Variants in GRIK2 observed in about 807,000 individuals in gnomAD.
GRIK2 encodes the protein glutamate receptor ionotropic, kainate 2.
In GRIK2, 32 loss-of-function variants were observed where a neutral mutation model predicts 100.3. That is an observed-to-expected ratio of 0.32 (90% CI 0.24 to 0.43). GRIK2 has a LOEUF of 0.43. Among genes scored for constraint, GRIK2 ranks in the 20% least tolerant of loss-of-function variants. The pLI is 1.00. For synonymous variants in GRIK2, 417 were observed against 389.4 expected, an observed-to-expected ratio of 1.07 and a Z score of -0.83; for missense variants, 843 against 1,114.9, an observed-to-expected ratio of 0.76 and a Z score of 3.47.
intron 2 of GRIK2, among the ~76,000 whole-genome samples, chr6:101,549,688 A>G (rs1181920042): frequency 6.6e-6 from 1 of 152,136 alleles, no homozygotes; most frequent in Non-Finnish European, 1.5e-5. Flanking sequence ...AAGAAGAGAA[A>G]CTTAGGTATC....
At chr6:101,701,717 C>G (rs1448195089) in intron 7 of GRIK2, among the ~76,000 whole-genome samples, 1 of 151,998 alleles carries the variant, frequency 6.6e-6, no homozygotes, top group African/African-American at 2.4e-5. Context: ...ATCAAAATCT[C>G]AAGGTAAATA....
At chr6:101,874,025 A>T (rs1225698391) in intron 11 of GRIK2, among the ~76,000 whole-genome samples, 2 of 151,782 alleles carry the variant, frequency 1.3e-5, no homozygotes, top group Non-Finnish European at 2.9e-5. Context: ...GATTGCAAAA[A>T]TTTTCTCCCA....
At chr6:101,770,366 T>G (rs1191031559) in intron 7 of GRIK2, among the ~76,000 whole-genome samples, 2 of 152,176 alleles carry the variant, frequency 1.3e-5, no homozygotes, top group African/African-American at 2.4e-5. Flanking sequence ...ATGAAGCAGG[T>G]GAAGGTTATC....
chr6:101,556,500 G>A (rs771070458), intron 2 of GRIK2, among the ~76,000 whole-genome samples: 13 of 150,898 alleles, frequency 8.6e-5, no homozygotes, highest in Non-Finnish European at 1.6e-4. Flanking sequence ...TTCACAAAAT[G>A]AACAGCTGTT....
At chr6:101,849,438 A>T (rs1703008034) in intron 10 of GRIK2, among the ~76,000 whole-genome samples, 1 of 152,008 alleles carries the variant, frequency 6.6e-6, no homozygotes, top group South Asian at 2.1e-4. Flanking sequence ...TATTGTTGTT[A>T]AGGTGTAAGT....
chr6:101,515,439 G>A (rs942354851), intron 2 of GRIK2, among the ~76,000 whole-genome samples: 5 of 152,078 alleles, frequency 3.3e-5, no homozygotes, highest in African/African-American at 1.2e-4. Context: ...CCCAGTAGTG[G>A]GATTGCTGGA....
intron 2 of GRIK2, among the ~76,000 whole-genome samples, chr6:101,558,543 T>C (rs1776851893): frequency 6.6e-6 from 1 of 152,094 alleles, no homozygotes; most frequent in South Asian, 2.1e-4. Context: ...GTTTTGGAAA[T>C]AGTGTGGTTA....
intron 15 of GRIK2, among the ~76,000 whole-genome samples, chr6:102,052,976 G>C (rs1771276284): frequency 6.6e-6 from 1 of 151,936 alleles, no homozygotes. Flanking sequence ...GCTGAGGCAG[G>C]AGAATCACTT....
chr6:101,809,410 C>T (rs1781194044), intron 9 of GRIK2, among the ~76,000 whole-genome samples: 1 of 151,820 alleles, frequency 6.6e-6, no homozygotes, highest in African/African-American at 2.4e-5. Flanking sequence ...TGACTCCTGC[C>T]CTCATTAAAC....
intron 2 of GRIK2, among the ~76,000 whole-genome samples, chr6:101,464,897 C>T (rs1423793252): frequency 6.6e-6 from 1 of 152,050 alleles, no homozygotes; most frequent in Non-Finnish European, 1.5e-5. Flanking sequence ...GGGCTTATAC[C>T]TGGCAGAGAC....
chr6:101,587,201 T>C (rs1455559971), intron 2 of GRIK2, among the ~76,000 whole-genome samples: 1 of 151,940 alleles, frequency 6.6e-6, no homozygotes, highest in African/African-American at 2.4e-5. Context: ...ATGAAAACTA[T>C]AGATATTAAA....
At chr6:101,455,147 G>A (rs1770929747) in intron 2 of GRIK2, among the ~76,000 whole-genome samples, 1 of 152,044 alleles carries the variant, frequency 6.6e-6, no homozygotes, top group Admixed American at 6.6e-5. Context: ...TAGTGGGCAT[G>A]GCAGGCTGAG....
At chr6:102,017,484 G>A (rs1420063585) in intron 14 of GRIK2, among the ~76,000 whole-genome samples, 1 of 152,006 alleles carries the variant, frequency 6.6e-6, no homozygotes, top group Non-Finnish European at 1.5e-5. Flanking sequence ...ATATTCCTAG[G>A]TATAGTTTTT....
At chr6:101,410,036 AG>A (rs137856335) in intron 2 of GRIK2, among the ~76,000 whole-genome samples, 2,171 of 152,182 alleles carry the variant, frequency 0.014, 52 homozygotes, top group African/African-American at 0.05. Flanking sequence ...GTAAGTCTGT[AG>A]TTTCTTTTTC....
At chr6:101,611,619 T>A (rs1203955086) in intron 2 of GRIK2, among the ~76,000 whole-genome samples, 2 of 151,820 alleles carry the variant, frequency 1.3e-5, no homozygotes, top group Non-Finnish European at 2.9e-5. Context: ...CCAGTCTTTT[T>A]ATTAAATCAA....
intron 14 of GRIK2, among the ~76,000 whole-genome samples, chr6:102,005,193 A>G (rs1795147586): frequency 6.6e-6 from 1 of 151,374 alleles, no homozygotes; most frequent in Non-Finnish European, 1.5e-5. Flanking sequence ...CCTCTAAGAT[A>G]TGTACATATA....
chr6:101,531,566 T>C (rs74460045), intron 2 of GRIK2, among the ~76,000 whole-genome samples: 4,230 of 151,902 alleles, frequency 0.028, 122 homozygotes, highest in African/African-American at 0.065. Flanking sequence ...TATGTGGATA[T>C]AGGTATATAG....
At chr6:101,676,097 C>G (rs1475511113) in intron 4 of GRIK2, among the ~76,000 whole-genome samples, 2 of 151,996 alleles carry the variant, frequency 1.3e-5, no homozygotes, top group Non-Finnish European at 2.9e-5. Context: ...GGCATTATCA[C>G]AAAACAATTA....
intron 2 of GRIK2, among the ~76,000 whole-genome samples, chr6:101,456,933 T>C (rs1771041761): frequency 6.6e-6 from 1 of 152,142 alleles, no homozygotes; most frequent in South Asian, 2.1e-4. Flanking sequence ...TAATTATTTC[T>C]GGATTCTTTG....
Sources: gnomAD v4.1 joint callset for allele counts (sites outside exome capture counted in the v4.1 genomes callset) on GRCh38, gnomAD v4.1.1 for gene constraint, MANE v1.5 for transcripts, NCBI Gene and HGNC (gene_info 2026-07-23, HGNC 2026-07-21) for gene names.